WNT9B: variants seen among roughly 807,000 people sequenced by gnomAD.
The protein encoded by WNT9B is Wnt family member 9B.
WNT9B carries 12 observed loss-of-function variants against 30.2 expected under a neutral mutation model. That is an observed-to-expected ratio of 0.40 (90% confidence interval 0.26 to 0.64). The LOEUF is 0.64. Ranked by LOEUF, WNT9B falls within the 30% of genes least tolerant of loss-of-function variation. The pLI is 0.42. For missense variants in WNT9B, 442 were observed against 485.2 expected, an observed-to-expected ratio of 0.91 and a Z score of 0.84; for synonymous variants, 218 against 216.9, an observed-to-expected ratio of 1.01 and a Z score of -0.05.
At chr17:46,840,015 C>CT (rs767579060) in intron 1 of WNT9B, among the ~76,000 whole-genome samples, 1 of 86,406 alleles carries the variant, frequency 1.2e-5, no homozygotes, top group East Asian at 7.6e-4. Flanking sequence ...TTCTTTCTTT[C>CT]TTTCTTTCTT....
upstream of WNT9B, chr17:46,851,530 G>A (rs899775384): frequency 2.1e-5 from 11 of 512,418 alleles, no homozygotes; most frequent in East Asian, 1.2e-4. This position sits in a 1 kb window ranked among gnomAD's most constrained non-coding sequence, Gnocchi z 4.3. Context: ...CTTTCCCAGC[G>A]CCGCCTGCCC....
chr17:46,883,892 C>G (rs1287422293), downstream of WNT9B, among the ~76,000 whole-genome samples: 1 of 152,208 alleles, frequency 6.6e-6, no homozygotes, highest in Non-Finnish European at 1.5e-5. Flanking sequence ...CATCCCTCCT[C>G]AAGTCCCCAG....
chr17:46,880,668 C>T (rs1319298201), downstream of WNT9B, among the ~76,000 whole-genome samples: 5 of 152,190 alleles, frequency 3.3e-5, no homozygotes, highest in Non-Finnish European at 5.9e-5. Context: ...TTGCAACTGG[C>T]AGGCAGTGGG....
chr17:46,884,647 G>A (rs188566454), downstream of WNT9B, among the ~76,000 whole-genome samples: 213 of 152,310 alleles, frequency 1.4e-3, no homozygotes, highest in African/African-American at 4.8e-3. Context: ...AGTGCCTCTC[G>A]TGTGCATTGT....
intron 1 of WNT9B, among the ~76,000 whole-genome samples, chr17:46,839,439 C>A (rs1176413524): frequency 7.2e-5 from 11 of 152,348 alleles, no homozygotes; most frequent in Non-Finnish European, 1.3e-4. Flanking sequence ...ATGGTAGCTG[C>A]CACTGGGCCC....
At chr17:46,838,584 G>A (rs546872897) in intron 1 of WNT9B, among the ~76,000 whole-genome samples, 7 of 152,112 alleles carry the variant, frequency 4.6e-5, no homozygotes, top group South Asian at 2.1e-4. Context: ...CCATGATGGC[G>A]CCACTGCACT....
At chr17:46,873,300 A>G (rs1377548688) in intron 2 of WNT9B, among the ~76,000 whole-genome samples, 1 of 145,554 alleles carries the variant, frequency 6.9e-6, no homozygotes, top group Non-Finnish European at 1.5e-5. Flanking sequence ...CTCCCTCCCC[A>G]CTCCACCCAC....
Position 46,851,653 on chromosome 17 carries a change from C to A in WNT9B, c.15C>A (p.Pro5=), listed in dbSNP as rs914108279. MRPP[P]ALALAGLCLL... is the part of the protein sequence containing the mutation. ...CCGCCAGCACCATGCGCCCCCCGCCCGCGCTGGCCCTGGCCGGGCTCTGCC... is the reference window on the plus strand; with the variant it reads ...CCGCCAGCACCATGCGCCCCCCGCCAGCGCTGGCCCTGGCCGGGCTCTGCC... Residue 5 remains proline (P), a synonymous_variant, in exon 1 of 4, where the codon CCC becomes CCA. Coordinates refer to ENST00000290015, the MANE Select transcript of WNT9B (RefSeq NM_003396.3). This position sits in a 1 kb window ranked among gnomAD's most constrained non-coding sequence, Gnocchi z 4.3. The A allele has an allele frequency of 1.2e-5, 16 of 1,284,276 alleles. No individual in the cohort carries two copies. The highest frequency in any genetic ancestry group is 2.6e-5 in the South Asian group (1 of 38,582). The allele number at this position is 1,284,276 out of a possible 1,614,324, so 79.6% of individuals were successfully genotyped here.
downstream of WNT9B, among the ~76,000 whole-genome samples, chr17:46,881,663 C>T (rs2085424726): frequency 6.6e-6 from 1 of 152,214 alleles, no homozygotes; most frequent in Non-Finnish European, 1.5e-5. Context: ...CCTCCACCTC[C>T]AGCTGCTCAA....
intron 1 of WNT9B, among the ~76,000 whole-genome samples, chr17:46,858,872 G>A (rs1342822543): frequency 2.0e-5 from 3 of 152,034 alleles, no homozygotes; most frequent in Admixed American, 2.0e-4. Context: ...TTGCTATGTT[G>A]CTCAGGCTGG....
chr17:46,848,530 G>A (rs1298760823), upstream of WNT9B, among the ~76,000 whole-genome samples: 5 of 152,338 alleles, frequency 3.3e-5, no homozygotes, highest in East Asian at 9.6e-4. Flanking sequence ...TGCTCTTCAT[G>A]TCCTTCCTCA....
At chr17:46,867,212 C>T (rs2085154086) in intron 1 of WNT9B, among the ~76,000 whole-genome samples, 1 of 152,228 alleles carries the variant, frequency 6.6e-6, no homozygotes, top group South Asian at 2.1e-4. Flanking sequence ...AGGACCGTGT[C>T]CCAGCACAGT....
chr17:46,837,722 G>A (rs1340799546), intron 1 of WNT9B, among the ~76,000 whole-genome samples: 1 of 152,190 alleles, frequency 6.6e-6, no homozygotes, highest in Admixed American at 6.5e-5. Context: ...TTGGAGGGAT[G>A]GCTCATGGTC....
In WNT9B at chr17:46,876,402, A is replaced by G; in HGVS notation, c.758A>G (p.Asn253Ser). The G allele has an allele frequency of 1.2e-6, 2 of 1,613,888 alleles. No individual in the cohort carries two copies. The highest frequency in any genetic ancestry group is 1.7e-6 in the Non-Finnish European group (2 of 1,180,040). The change falls in exon 4 of 4, where the codon AAT becomes AGT. Residue 253 changes from asparagine to serine, a missense_variant. Coordinates refer to ENST00000290015, the MANE Select transcript of WNT9B (RefSeq NM_003396.3). The part of the protein sequence containing the change: ...DSAVKVSSAT[N>S]EALGRLELWA... ...GCTGTCAAGGTGTCCAGTGCCACCA[A>G]TGAGGCCTTGGGCCGCCTAGAGCTG...
chr17:46,870,531 G>A (rs1209453266), intron 1 of WNT9B, among the ~76,000 whole-genome samples: 3 of 152,226 alleles, frequency 2.0e-5, no homozygotes, highest in Non-Finnish European at 4.4e-5. Context: ...CTAGGCCAAC[G>A]GGAGCCCGAT....
At chr17:46,838,199 G>C (rs958905989) in intron 1 of WNT9B, among the ~76,000 whole-genome samples, 1 of 152,090 alleles carries the variant, frequency 6.6e-6, no homozygotes, top group African/African-American at 2.4e-5. Flanking sequence ...GAAAATTCAG[G>C]CTCTTGCCAT....
intron 1 of WNT9B, among the ~76,000 whole-genome samples, chr17:46,856,570 C>T (rs557734507): frequency 3.3e-5 from 5 of 151,754 alleles, no homozygotes; most frequent in East Asian, 1.9e-4. Flanking sequence ...CTGCAGCCTC[C>T]GCCTCCCGGT....
At chr17:46,861,541 G>T (rs2085037942) in intron 1 of WNT9B, among the ~76,000 whole-genome samples, 1 of 152,106 alleles carries the variant, frequency 6.6e-6, no homozygotes, top group Non-Finnish European at 1.5e-5. Flanking sequence ...GTCAGGATAG[G>T]AACTGGACAC....
rs2084910551 is a variant in WNT9B, at chr17:46,854,682, G to A, written c.77+2967G>A. Among the ~76,000 whole-genome samples the A allele has an allele frequency of 3.3e-5, 5 of 151,772 alleles. No individual in the cohort carries two copies. The South Asian group carries it at 6.2e-4, about 19-fold the overall frequency. On this transcript the variant is annotated intron_variant, in intron 1 of 3. Coordinates refer to ENST00000290015, the MANE Select transcript of WNT9B (RefSeq NM_003396.3). ...ACAAATCTCTTTTTTCTTTTTTTGA[G>A]ATGGAGTCTTGCTGTGTCACCCAGG...
Sources: allele counts gnomAD v4.1 joint callset (sites outside exome capture counted in the v4.1 genomes callset), GRCh38; gene constraint gnomAD v4.1.1; non-coding constraint Gnocchi (gnomAD v3.1); transcripts MANE v1.5; gene names NCBI Gene and HGNC (gene_info 2026-07-23, HGNC 2026-07-21).